SEC24A: variants seen among roughly 807,000 people sequenced by gnomAD.
SEC24A encodes SEC24 homolog A, COPII component.
Under a neutral mutation model 129.4 loss-of-function variants are expected in SEC24A, and 93 were observed. The ratio of observed to expected loss-of-function variants is 0.72; its 90% CI spans 0.61 to 0.85. The LOEUF (loss-of-function observed/expected upper bound fraction) is 0.85, where lower values mean the gene tolerates loss of function less well. SEC24A is among the 40% of genes least tolerant of loss of function. SEC24A has a pLI of 0.00. For synonymous variants in SEC24A, 460 were observed against 467.3 expected (o/e 0.98, Z 0.20); for missense variants, 1,264 against 1,307.4 (o/e 0.97, Z 0.51).
chr5:134,726,647 C>T lies in SEC24A; in HGVS notation c.*1553C>T, dbSNP rs1365068543. The T allele has an allele frequency of 6.6e-6, 1 of 152,266 alleles. No homozygotes were observed. The allele number at this position is 152,266 out of a possible 1,614,324, so 9.4% of individuals were successfully genotyped here. A position where few individuals can be genotyped will look rare whatever the true frequency, so the allele number is the denominator to read the frequency against. On this transcript the variant is annotated 3_prime_UTR_variant, in exon 23 of 23. Coordinates refer to ENST00000398844, the MANE Select transcript of SEC24A (RefSeq NM_021982.3). Reference sequence around the variant, plus strand: ...GTTGGTTTGCAGTGTGTAAGTGGCACATTGAACTGGAAGTTTTCTTGAAAG... The same window carrying T: ...GTTGGTTTGCAGTGTGTAAGTGGCATATTGAACTGGAAGTTTTCTTGAAAG...
At position 134,663,440 on chromosome 5, in the gene SEC24A, A is replaced by G. The variant is rs1018361429; in HGVS notation, c.565+1854A>G. On this transcript the variant is annotated intron_variant, in intron 2 of 22. Coordinates refer to ENST00000398844, the MANE Select transcript of SEC24A (RefSeq NM_021982.3). ...TGCATTATCTTGTTTAATCTTCGTA[A>G]CAGTCTCTTACAGATCTAAAGTATA... Among the ~76,000 whole-genome samples the G allele has an allele frequency of 7.2e-5, 11 of 152,280 alleles. No homozygotes were observed. The South Asian group carries it at 1.2e-3, about 17-fold the overall frequency.
intron 12 of SEC24A, chr5:134,692,961 G>C: frequency 7.8e-7 from 1 of 1,285,406 alleles, no homozygotes; most frequent in Non-Finnish European, 1.1e-6. Context: ...CTGAGATAAA[G>C]CTTCTGGTCA....
At chr5:134,659,082 T>TATTTATTG (rs1750352245) in intron 1 of SEC24A, among the ~76,000 whole-genome samples, 1 of 151,092 alleles carries the variant, frequency 6.6e-6, no homozygotes, top group African/African-American at 2.4e-5. Flanking sequence ...TTTATTTATT[T>TATTTATTG]ATTTATTGAG....
rs371999264 is a variant in SEC24A at position 134,675,184 on chromosome 5, A to T, written c.1118A>T (p.His373Leu). The T allele has an allele frequency of 1.2e-5, 19 of 1,612,956 alleles. No individual in the cohort carries two copies. The highest frequency in any genetic ancestry group is 1.6e-5 in the Non-Finnish European group (19 of 1,179,290). The change falls in exon 6 of 23, where the codon CAT (histidine) becomes CTT (leucine). Residue 373 changes from histidine to leucine, a missense_variant. Coordinates refer to ENST00000398844, the MANE Select transcript of SEC24A (RefSeq NM_021982.3). ...TTGAAGCCTCCAGTTCCAAATTTGC[A>T]TGAAGACATCCAGAAACTCAACTGT... ...TPLKPPVPNL[H>L]EDIQKLNCNP...
chr5:134,718,711 C>A (rs890006818), intron 20 of SEC24A, among the ~76,000 whole-genome samples: 1 of 151,966 alleles, frequency 6.6e-6, no homozygotes, highest in Non-Finnish European at 1.5e-5. Flanking sequence ...GTGGCTCATG[C>A]CTATAATCCC....
chr5:134,653,904 T>C (rs1750150192), intron 1 of SEC24A, among the ~76,000 whole-genome samples: 1 of 151,936 alleles, frequency 6.6e-6, no homozygotes, highest in South Asian at 2.1e-4. Context: ...ACACCTGTAA[T>C]CCCAGCACTT....
In SEC24A at chr5:134,649,352, G is replaced by T. The variant is rs542125577; in HGVS notation, c.97+179G>T. 129 of 467,714 alleles carry T rather than the reference G, an allele frequency of 2.8e-4. 1 individual carries two copies. Among genetic ancestry groups the T allele is most frequent in the Non-Finnish European group, 9.2e-5 (24 of 261,434 alleles). 29.0% of individuals were successfully genotyped at this position (467,714 alleles called of 1,614,324 possible). On this transcript the variant is annotated intron_variant, in intron 1 of 22. Coordinates refer to ENST00000398844, the MANE Select transcript of SEC24A (RefSeq NM_021982.3). ...GTTGTGCACCTGTAGCCCCAGGCTC[G>T]TCTCAGTCTTTCACATTTATTTAGT...
intron 7 of SEC24A, among the ~76,000 whole-genome samples, chr5:134,676,326 G>A (rs1420462860): frequency 6.6e-6 from 1 of 151,780 alleles, no homozygotes; most frequent in Non-Finnish European, 1.5e-5. Context: ...TTTTAGTAGA[G>A]AGGGGGTTTC....
intron 3 of SEC24A, among the ~76,000 whole-genome samples, chr5:134,668,410 G>A (rs574323510): frequency 6.6e-5 from 10 of 152,180 alleles, no homozygotes; most frequent in African/African-American, 2.4e-4. Flanking sequence ...CCAAGGTGGT[G>A]AAACCCCATC....
Position 134,698,060 on chromosome 5 carries a change from A to G in SEC24A, c.2266+3A>G, listed in dbSNP as rs1751883007. 2 of 1,601,450 alleles carry G rather than the reference A, an allele frequency of 1.2e-6. No homozygotes were observed. The highest frequency in any genetic ancestry group is 1.7e-6 in the Non-Finnish European group (2 of 1,176,614). ...CATGAGGATTCGGTGCACCAAAGGT[A>G]GGAATATTTTTTTTTTGCGTAGGAC... On this transcript the variant is annotated splice_donor_region_variant and intron_variant, in intron 15 of 22. Coordinates refer to ENST00000398844, the MANE Select transcript of SEC24A (RefSeq NM_021982.3).
intron 13 of SEC24A, among the ~76,000 whole-genome samples, chr5:134,695,339 AAACAAC>A (rs552433417): frequency 6.6e-6 from 1 of 151,614 alleles, no homozygotes; most frequent in Admixed American, 6.6e-5. Flanking sequence ...CCAACTTGGG[AAACAAC>A]AACAACAACA....
In SEC24A at chr5:134,649,069, C is replaced by A. The variant is rs762837894; in HGVS notation, c.-8C>A. ...CGACCCCGACCAGCCCCTTCCAACC[C>A]AGTCATCATGTCCCAGCCGGGAATA... On this transcript the variant is annotated 5_prime_UTR_variant, in exon 1 of 23. Transcript: ENST00000398844. 2 of 1,605,592 alleles carry A rather than the reference C, an allele frequency of 1.2e-6. No homozygotes were observed. The highest frequency in any genetic ancestry group is 1.7e-6 in the Non-Finnish European group (2 of 1,175,270).
intron 19 of SEC24A, among the ~76,000 whole-genome samples, chr5:134,717,364 G>C (rs1244990079): frequency 6.6e-6 from 1 of 151,678 alleles, no homozygotes; most frequent in African/African-American, 2.4e-5. Flanking sequence ...AAAATTAGCC[G>C]GGCATGGTGG....
chr5:134,714,180 C>A (rs1312606270), intron 18 of SEC24A, among the ~76,000 whole-genome samples: 1 of 151,848 alleles, frequency 6.6e-6, no homozygotes, highest in Non-Finnish European at 1.5e-5. Context: ...ATTATTTTTT[C>A]TTGTTTATTA....
chr5:134,698,115 AC>A (rs2150100873), intron 15 of SEC24A, 58 bp downstream of exon 15: 1 of 1,405,548 alleles, frequency 7.1e-7, no homozygotes, highest in African/African-American at 1.4e-5. Context: ...CAGTAAATGT[AC>A]ATGTTTTTAT....
intron 1 of SEC24A, among the ~76,000 whole-genome samples, chr5:134,654,250 TCACG>T (rs1750164779): frequency 6.6e-6 from 1 of 151,848 alleles, no homozygotes; most frequent in African/African-American, 2.4e-5. Context: ...AGACGGAGTC[TCACG>T]CTGTCACCCA....
chr5:134,694,641 C>T (rs374388901), intron 13 of SEC24A, among the ~76,000 whole-genome samples: 2 of 144,854 alleles, frequency 1.4e-5, no homozygotes, highest in Admixed American at 7.1e-5. Context: ...GGTGACAGAG[C>T]GAGACTCCGT....
chr5:134,722,281 G>A (rs1374595771), intron 21 of SEC24A, among the ~76,000 whole-genome samples: 10 of 151,700 alleles, frequency 6.6e-5, no homozygotes, highest in African/African-American at 2.4e-5. Context: ...ACCTGAGGTC[G>A]GGAGTTCAAG....
rs1451140545 is a variant in SEC24A, at chr5:134,726,584, C to G, written c.*1490C>G. ...TGCTTGCCAGCTGGATCAAAATAAT[C>G]ATGTTTTATGAAAATATCTCCCTTA... On this transcript the variant is annotated 3_prime_UTR_variant, in exon 23 of 23. Coordinates refer to ENST00000398844, the MANE Select transcript of SEC24A (RefSeq NM_021982.3). The G allele has an allele frequency of 1.3e-5, 2 of 152,454 alleles. No homozygotes were observed. The highest frequency in any genetic ancestry group is 2.9e-5 in the Non-Finnish European group (2 of 67,976). The allele number at this position is 152,454 out of a possible 1,614,324, so 9.4% of individuals were successfully genotyped here.
Sources: allele counts gnomAD v4.1 joint callset (sites outside exome capture counted in the v4.1 genomes callset), GRCh38; gene constraint gnomAD v4.1.1; transcripts MANE v1.5; gene names NCBI Gene and HGNC (gene_info 2026-07-23, HGNC 2026-07-21).